The following IQSEC1 variants were observed in gnomAD, a reference collection of about 807,000 sequenced individuals.
IQSEC1 encodes the protein IQ motif and SEC7 domain-containing protein 1.
In IQSEC1, 31 loss-of-function variants were observed where a neutral mutation model predicts 91.0. The ratio of observed to expected loss-of-function variants is 0.34; its 90% CI spans 0.26 to 0.46. The LOEUF (loss-of-function observed/expected upper bound fraction) is 0.46. Among genes scored for constraint, IQSEC1 ranks in the 20% least tolerant of loss-of-function variants. IQSEC1 has a pLI of 1.00. For synonymous variants in IQSEC1, 699 were observed against 662.6 expected (o/e 1.05, Z -0.84); for missense variants, 1,388 against 1,575.6 (o/e 0.88, Z 2.02).
intron 1 of IQSEC1, chr3:13,022,079 C>T (rs1275043642): frequency 3.2e-6 from 4 of 1,231,886 alleles, no homozygotes; most frequent in East Asian, 3.2e-5. Flanking sequence ...AGGCTCCACA[C>T]GGCACTGCCA....
Position 12,940,045 on chromosome 3 carries a change from T to C in IQSEC1, c.318+1526A>G, listed in dbSNP as rs1698608220. Reference sequence around the variant, plus strand: ...TCCTATTAGGCCCACAGTAAGCATATAATTCTCTTCAAAGGCCTCTATTAA... The same window carrying C: ...TCCTATTAGGCCCACAGTAAGCATACAATTCTCTTCAAAGGCCTCTATTAA... On this transcript the variant is annotated intron_variant, in intron 2 of 13. Coordinates refer to ENST00000613206, the MANE Select transcript of IQSEC1 (RefSeq NM_001134382.3). This position sits in a 1 kb window ranked among gnomAD's most constrained non-coding sequence, Gnocchi z 4.4. Among the ~76,000 whole-genome samples the C allele has an allele frequency of 6.6e-6, 1 of 152,226 alleles. No homozygotes were observed. Among genetic ancestry groups the C allele is most frequent in the Non-Finnish European group, 1.5e-5 (1 of 68,038 alleles).
chr3:13,233,788 G>A (rs140436172), intron 1 of IQSEC1, among the ~76,000 whole-genome samples: 202 of 152,290 alleles, frequency 1.3e-3, no homozygotes, highest in Middle Eastern at 3.4e-3. Context: ...GAGGGCTCCC[G>A]GCAGGCTCCT....
intron 1 of IQSEC1, among the ~76,000 whole-genome samples, chr3:13,270,953 T>C (rs1246039893): frequency 6.6e-6 from 1 of 152,118 alleles, no homozygotes; most frequent in Non-Finnish European, 1.5e-5. Flanking sequence ...GAAAAAGATA[T>C]ACAAATGGTA....
intron 2 of IQSEC1, among the ~76,000 whole-genome samples, chr3:13,105,330 G>A (rs575822644): frequency 3.1e-4 from 47 of 152,282 alleles, no homozygotes; most frequent in Non-Finnish European, 6.2e-4. Context: ...GGGGCAGAGC[G>A]AGGCCTGGAG....
intron 2 of IQSEC1, among the ~76,000 whole-genome samples, chr3:13,097,996 T>C (rs1193715979): frequency 2.6e-5 from 4 of 152,220 alleles, no homozygotes; most frequent in African/African-American, 7.2e-5. Context: ...ATGTGAGGGC[T>C]TCTGAAGGCC....
At chr3:12,977,150 T>C (rs1410995951) in intron 1 of IQSEC1, among the ~76,000 whole-genome samples, 6 of 152,104 alleles carry the variant, frequency 3.9e-5, no homozygotes, top group African/African-American at 1.4e-4. Context: ...AGTTAGAGAC[T>C]AGCCTGGGCA....
At chr3:13,054,313 C>T (rs1443391838) in intron 1 of IQSEC1, among the ~76,000 whole-genome samples, 1 of 152,224 alleles carries the variant, frequency 6.6e-6, no homozygotes, top group Non-Finnish European at 1.5e-5. Context: ...ACAACACACT[C>T]CTACCAGCAG....
chr3:13,222,350 G>A (rs1182013065), intron 1 of IQSEC1, among the ~76,000 whole-genome samples: 2 of 152,152 alleles, frequency 1.3e-5, no homozygotes, highest in Non-Finnish European at 2.9e-5. Context: ...CCATTGTAGG[G>A]ACAGACCACG....
exon 1 of IQSEC1, among the ~76,000 whole-genome samples, chr3:13,283,177 C>A (rs866040954): frequency 2.0e-4 from 29 of 146,012 alleles, no homozygotes; most frequent in African/African-American, 6.1e-4. Flanking sequence ...CGCGCTCCGC[C>A]GCCCGCTGCC....
At chr3:12,991,239 A>T (rs562812010) in intron 1 of IQSEC1, among the ~76,000 whole-genome samples, 19 of 152,176 alleles carry the variant, frequency 1.2e-4, no homozygotes, top group Non-Finnish European at 2.6e-4. Flanking sequence ...GGTATCATGG[A>T]TGAGGGTGAT....
chr3:13,073,762 G>A (rs943711325), upstream of IQSEC1, among the ~76,000 whole-genome samples: 22 of 152,266 alleles, frequency 1.4e-4, no homozygotes, highest in African/African-American at 4.8e-4. Flanking sequence ...TGGCCCTGGA[G>A]TGAGGCCGGC....
chr3:13,042,504 C>T (rs1291930338), intron 1 of IQSEC1: 3 of 152,410 alleles, frequency 2.0e-5, no homozygotes, highest in Non-Finnish European at 4.4e-5. Flanking sequence ...GCCCAGCCCG[C>T]CCGGCGCAGC....
At chr3:13,258,542 C>T (rs1021503807) in intron 1 of IQSEC1, among the ~76,000 whole-genome samples, 2 of 151,668 alleles carry the variant, frequency 1.3e-5, no homozygotes, top group South Asian at 2.1e-4. Flanking sequence ...AAAAATTAGC[C>T]GGACATGGTG....
intron 1 of IQSEC1, among the ~76,000 whole-genome samples, chr3:13,065,936 G>A (rs544539275): frequency 2.8e-4 from 42 of 152,140 alleles, no homozygotes; most frequent in South Asian, 4.2e-4. Context: ...GCCGCAGCAG[G>A]GATGAACCTT....
intron 1 of IQSEC1, among the ~76,000 whole-genome samples, chr3:13,254,800 C>T (rs6785220): frequency 0.14 from 21,707 of 152,202 alleles, 1,591 homozygotes; most frequent in East Asian, 0.16. Context: ...GAATCCTGGA[C>T]GGCCCTGCCT....
intron 1 of IQSEC1, among the ~76,000 whole-genome samples, chr3:13,218,414 A>T (rs1694590476): frequency 5.9e-5 from 9 of 152,202 alleles, no homozygotes. Flanking sequence ...GTGAGAGAAA[A>T]AGACAGACAG....
In IQSEC1 at chr3:12,940,265, A is replaced by G. The variant is rs1698629273; in HGVS notation, c.318+1306T>C. Among the ~76,000 whole-genome samples, 1 of 151,950 alleles carries G rather than the reference A, an allele frequency of 6.6e-6. No homozygotes were observed. The highest frequency in any genetic ancestry group is 6.6e-5 in the Admixed American group (1 of 15,240). On this transcript the variant is annotated intron_variant, in intron 2 of 13. Coordinates refer to ENST00000613206, the MANE Select transcript of IQSEC1 (RefSeq NM_001134382.3). The surrounding 1 kb of genome is among the most constrained non-coding windows in gnomAD (Gnocchi z 4.4). Reference sequence around the variant, plus strand: ...GGCTGATGGGGGCTTCCCTGTCAAGAGAGTGGACGACCCCCAACCCCAGGC... The same window carrying G: ...GGCTGATGGGGGCTTCCCTGTCAAGGGAGTGGACGACCCCCAACCCCAGGC...
rs112473820 is a variant in IQSEC1 at position 13,277,228 on chromosome 3, G to A, written c.272+5483C>T. Among the ~76,000 whole-genome samples the A allele has an allele frequency of 3.6e-3, 536 of 149,210 alleles. 4 individuals are homozygous for A. The highest frequency in any genetic ancestry group is 0.013 in the African/African-American group (507 of 40,394). On this transcript the variant is annotated intron_variant, in intron 1 of 15. Transcript: ENST00000648114. Reference sequence around the variant, plus strand: ...AATAGCCACCCAGCTGGCAAAAAACGCTGATGTCCCCAAATGCCTGACTCC... The same window carrying A: ...AATAGCCACCCAGCTGGCAAAAAACACTGATGTCCCCAAATGCCTGACTCC...
chr3:13,105,502 G>T (rs1456129349), intron 2 of IQSEC1, among the ~76,000 whole-genome samples: 1 of 152,148 alleles, frequency 6.6e-6, no homozygotes, highest in Non-Finnish European at 1.5e-5. Flanking sequence ...TCAGGGGCAT[G>T]GTGAATCCTG....
Sources: allele counts gnomAD v4.1 joint callset (sites outside exome capture counted in the v4.1 genomes callset), GRCh38; gene constraint gnomAD v4.1.1; non-coding constraint Gnocchi (gnomAD v3.1); transcripts MANE v1.5; gene names NCBI Gene and HGNC (gene_info 2026-07-23, HGNC 2026-07-21).